The following KSR2 variants were observed in gnomAD, a reference collection of about 807,000 sequenced individuals.
KSR2 encodes the protein kinase suppressor of ras 2.
In KSR2, 25 loss-of-function variants were observed where a neutral mutation model predicts 107.8. The ratio of observed to expected loss-of-function variants is 0.23; its 90% CI spans 0.17 to 0.32. The LOEUF (loss-of-function observed/expected upper bound fraction) is 0.32, where lower values mean the gene tolerates loss of function less well. Among genes scored for constraint, KSR2 ranks in the 10% least tolerant of loss-of-function variants. The probability of loss-of-function intolerance (pLI) is 1.00; values close to 1 mark genes in which losing one functional copy is unlikely to be tolerated. For synonymous variants in KSR2, 480 were observed against 507.0 expected, an observed-to-expected ratio of 0.95 and a Z score of 0.71; for missense variants, 887 against 1,268.9, an observed-to-expected ratio of 0.70 and a Z score of 4.57.
chr12:117,455,694 G>A lies in KSR2; in HGVS notation c.*11505C>T, dbSNP rs935171982. 5 of 152,232 alleles carry A rather than the reference G, an allele frequency of 3.3e-5. No homozygotes were observed. The highest frequency in any genetic ancestry group is 7.3e-5 in the Non-Finnish European group (5 of 68,058). The allele number at this position is 152,232 out of a possible 1,614,324, so 9.4% of individuals were successfully genotyped here. On this transcript the variant is annotated 3_prime_UTR_variant, in exon 20 of 20. Coordinates refer to ENST00000339824, the MANE Select transcript of KSR2 (RefSeq NM_173598.6). ...GAATGAAGGGACAAGGTTGCTCCAC[G>A]CTGGGCTCTGCTGAGGGTGTAGTGA...
chr12:117,802,905 G>A (rs1000789810), intron 3 of KSR2, among the ~76,000 whole-genome samples: 1 of 152,200 alleles, frequency 6.6e-6, no homozygotes, highest in Non-Finnish European at 1.5e-5. Flanking sequence ...CCCAATCTGG[G>A]AGTAATGGGA....
At chr12:117,910,182 G>A (rs1200274897) in intron 1 of KSR2, among the ~76,000 whole-genome samples, 2 of 152,162 alleles carry the variant, frequency 1.3e-5, no homozygotes, top group Non-Finnish European at 2.9e-5. Flanking sequence ...AGCGAGCCAT[G>A]ATCACACCAC....
intron 1 of KSR2, among the ~76,000 whole-genome samples, chr12:117,904,334 A>C (rs1894777383): frequency 6.6e-6 from 1 of 152,212 alleles, no homozygotes; most frequent in Non-Finnish European, 1.5e-5. Context: ...TTGAAATTCT[A>C]AGAATGGTGT....
At chr12:117,687,901 C>T (rs1296940717) in intron 4 of KSR2, among the ~76,000 whole-genome samples, 2 of 152,146 alleles carry the variant, frequency 1.3e-5, no homozygotes. Flanking sequence ...CCCAAAGACA[C>T]CTGGGTCCTG....
intron 3 of KSR2, among the ~76,000 whole-genome samples, chr12:117,794,484 ACT>A (rs200602368): frequency 4.9e-4 from 60 of 122,974 alleles, no homozygotes; most frequent in African/African-American, 1.3e-3. Flanking sequence ...CAACATGCAC[ACT>A]CACACCAACA....
intron 3 of KSR2, among the ~76,000 whole-genome samples, chr12:117,818,741 T>C (rs957959771): frequency 2.0e-5 from 3 of 152,182 alleles, no homozygotes; most frequent in Non-Finnish European, 2.9e-5. Flanking sequence ...GCTGCATGAT[T>C]AGGCAAATGT....
At chr12:117,954,947 A>G (rs1344356761) in intron 1 of KSR2, among the ~76,000 whole-genome samples, 1 of 151,268 alleles carries the variant, frequency 6.6e-6, no homozygotes, top group Non-Finnish European at 1.5e-5. Context: ...AACCCAGTAC[A>G]CGGAGGTTGC....
intron 4 of KSR2, among the ~76,000 whole-genome samples, chr12:117,760,687 T>C (rs1888969995): frequency 6.6e-6 from 1 of 152,218 alleles, no homozygotes. Flanking sequence ...TCTGCCATTG[T>C]CACACAAAAG....
chr12:117,532,278 G>A (rs1205886428), intron 10 of KSR2, among the ~76,000 whole-genome samples: 1 of 152,084 alleles, frequency 6.6e-6, no homozygotes, highest in Non-Finnish European at 1.5e-5. Context: ...CCTTCTGAAG[G>A]CTCCAGGAAA....
At chr12:117,515,853 G>A (rs1159039860) in intron 14 of KSR2, among the ~76,000 whole-genome samples, 11 of 152,234 alleles carry the variant, frequency 7.2e-5, no homozygotes, top group Non-Finnish European at 1.6e-4. Flanking sequence ...TTGAATCCAG[G>A]AGGCGCAGGT....
chr12:117,793,458 C>G (rs1051646788), intron 3 of KSR2, among the ~76,000 whole-genome samples: 4 of 149,964 alleles, frequency 2.7e-5, no homozygotes, highest in Non-Finnish European at 4.4e-5. Flanking sequence ...AACCAACATG[C>G]ACACATACAC....
intron 3 of KSR2, among the ~76,000 whole-genome samples, chr12:117,793,193 CAT>C (rs1197618602): frequency 2.8e-5 from 4 of 144,966 alleles, no homozygotes; most frequent in Non-Finnish European, 5.9e-5. Flanking sequence ...AATGTGCACA[CAT>C]ACACACCAAC....
chr12:117,470,679 C>G (rs770032904), intron 18 of KSR2, among the ~76,000 whole-genome samples: 1 of 152,122 alleles, frequency 6.6e-6, no homozygotes, highest in Non-Finnish European at 1.5e-5. Context: ...TAGAAACATA[C>G]CACATCATTA....
At chr12:117,478,122 CA>C (rs1871908175) in intron 16 of KSR2, among the ~76,000 whole-genome samples, 1 of 152,100 alleles carries the variant, frequency 6.6e-6, no homozygotes, top group South Asian at 2.1e-4. Context: ...AAAGTGAGGT[CA>C]TTCAGGATGA....
chr12:117,594,594 A>G (rs749347547), intron 5 of KSR2, among the ~76,000 whole-genome samples: 27 of 152,214 alleles, frequency 1.8e-4, no homozygotes, highest in Non-Finnish European at 1.9e-4. Context: ...CCTCTGGGGC[A>G]GGATACCTCT....
chr12:117,535,848 C>T (rs535856283), intron 10 of KSR2, among the ~76,000 whole-genome samples: 1 of 152,210 alleles, frequency 6.6e-6, no homozygotes, highest in East Asian at 1.9e-4. Context: ...GAGAAACAGA[C>T]CTAAACAGAA....
chr12:117,693,760 C>A (rs1284652085), intron 4 of KSR2, among the ~76,000 whole-genome samples: 5 of 152,114 alleles, frequency 3.3e-5, no homozygotes, highest in Non-Finnish European at 7.4e-5. Flanking sequence ...CTCCCAACCC[C>A]AGGAAGCGGG....
At chr12:117,509,184 A>C (rs930925700) in intron 14 of KSR2, among the ~76,000 whole-genome samples, 1 of 152,314 alleles carries the variant, frequency 6.6e-6, no homozygotes, top group African/African-American at 2.4e-5. Flanking sequence ...TTCAAAAACA[A>C]GAAAACAGAG....
intron 5 of KSR2, among the ~76,000 whole-genome samples, chr12:117,606,143 G>A (rs569850489): frequency 6.6e-6 from 1 of 152,194 alleles, no homozygotes; most frequent in East Asian, 1.9e-4. Flanking sequence ...GAATGGATAG[G>A]TGAAAGTTCA....
Sources: gnomAD v4.1 joint callset for allele counts (sites outside exome capture counted in the v4.1 genomes callset) on GRCh38, gnomAD v4.1.1 for gene constraint, MANE v1.5 for transcripts, NCBI Gene and HGNC (gene_info 2026-07-23, HGNC 2026-07-21) for gene names.